Variants in RTEL1 observed in about 807,000 individuals in gnomAD.
RTEL1 encodes the protein regulator of telomere elongation helicase 1, also known as regulator of telomere length.
A neutral mutation model predicts 162.2 loss-of-function variants in RTEL1; 86 were observed. That is an observed-to-expected ratio of 0.53 (90% CI 0.45 to 0.63). The LOEUF is 0.63. RTEL1 is among the 30% of genes least tolerant of loss of function. The pLI, the probability that RTEL1 is intolerant of heterozygous loss-of-function variation, is 0.00. For missense variants in RTEL1, 1,941 were observed against 1,750.2 expected (o/e 1.11, Z -1.95); for synonymous variants, 958 against 717.9 (o/e 1.33, Z -5.35).
chr20:63,691,175 C>T (rs1046988759), intron 27 of RTEL1, among the ~76,000 whole-genome samples: 1 of 152,170 alleles, frequency 6.6e-6, no homozygotes, highest in Non-Finnish European at 1.5e-5. Context: ...CCTGGCCCTC[C>T]GCGGGTGCCC....
intron 2 of RTEL1, 84 bp downstream of exon 2, chr20:63,659,588 C>T: frequency 1.9e-6 from 2 of 1,029,108 alleles, no homozygotes; most frequent in Non-Finnish European, 3.0e-6. Context: ...CCGGCCCATT[C>T]CAGCCAGGCC....
At chr20:63,693,868 C>G (rs1269331075) in intron 30 of RTEL1, among the ~76,000 whole-genome samples, 1 of 149,734 alleles carries the variant, frequency 6.7e-6, no homozygotes, top group Non-Finnish European at 1.5e-5. Context: ...CCAACTGCCA[C>G]ACGTCCCCTG....
At chr20:63,662,516 T>A in intron 4 of RTEL1, 30 bp from the exon 5 acceptor site, 1 of 1,612,844 alleles carries the variant, frequency 6.2e-7, no homozygotes, top group Non-Finnish European at 8.5e-7. Flanking sequence ...AGACAGCTCC[T>A]CCTCGACCCA....
intron 2 of RTEL1, among the ~76,000 whole-genome samples, chr20:63,660,169 C>G (rs2089989942): frequency 6.6e-6 from 1 of 152,248 alleles, no homozygotes; most frequent in Non-Finnish European, 1.5e-5. Context: ...CCGAAACATT[C>G]AGTTCCCAGG....
At position 63,690,956 on chromosome 20, in the gene RTEL1, C is replaced by A. The variant is rs1265226297; in HGVS notation, c.2556+9C>A. Reference sequence around the variant, plus strand: ...GCCCTGGCGAGGAGCAGGTACAGTTCCAGGGCCTTGGGATGGACACAGACC... The same window carrying A: ...GCCCTGGCGAGGAGCAGGTACAGTTACAGGGCCTTGGGATGGACACAGACC... On this transcript the variant is annotated intron_variant, in intron 27 of 34. Transcript: ENST00000360203. 6.5e-7 allele frequency: 1 copy of A among 1,546,530 alleles called. No individual in the cohort carries two copies. Among genetic ancestry groups the A allele is most frequent in the Non-Finnish European group, 8.7e-7 (1 of 1,145,904 alleles).
chr20:63,689,033 G>A (rs1164965936), intron 21 of RTEL1, 22 bp from the exon 22 acceptor site: 5 of 1,605,844 alleles, frequency 3.1e-6, no homozygotes, highest in Admixed American at 1.7e-5. Flanking sequence ...TCCAGGCTCA[G>A]CCTCACCAAC....
intron 30 of RTEL1, among the ~76,000 whole-genome samples, chr20:63,693,630 TCCA>T (rs1568721280): frequency 0.02 from 63 of 3,114 alleles, no homozygotes; most frequent in Non-Finnish European, 0.026. Context: ...CACCACCACC[TCCA>T]CCACCACCAC....
Position 63,688,595 on chromosome 20 carries a change from G to A in RTEL1, c.1790G>A (p.Ser597Asn). ...PLFVEPRSKG[S>N]FSETISAYYA... The stretch of plus-strand genomic sequence containing the variant: ...TTTGTGGAGCCCAGGAGCAAAGGCA[G>A]CTTCTCCGAGGTCGGCACTTGGCCG... The change falls in exon 21 of 35, where the codon AGC (serine) becomes AAC (asparagine). Residue 597 changes from serine (S) to asparagine (N), a missense_variant. By Grantham distance (46) the Ser-to-Asn change is conservative (BLOSUM62 1). Coordinates refer to ENST00000360203, the MANE Select transcript of RTEL1 (RefSeq NM_001283009.2). The A allele has an allele frequency of 6.2e-6, 10 of 1,608,408 alleles. No homozygotes were observed. Among genetic ancestry groups the A allele is most frequent in the Non-Finnish European group, 8.5e-6 (10 of 1,178,800 alleles).
rs2090029785 is a variant in RTEL1, at chr20:63,661,996, G to C, written c.395+53G>C. The C allele has an allele frequency of 1.5e-6, 2 of 1,362,064 alleles. No individual in the cohort carries two copies. The highest frequency in any genetic ancestry group is 4.6e-5 in the East Asian group (2 of 43,546). 84.4% of individuals were successfully genotyped at this position (1,362,064 alleles called of 1,614,324 possible). A position where few individuals can be genotyped will look rare whatever the true frequency, so the allele number is the denominator to read the frequency against. ...CGGGGTCCTCAAGAGAACCAGCTTGGCATGGTGCTGAGTCCACAGCCCCAT... is the reference window on the plus strand; with the variant it reads ...CGGGGTCCTCAAGAGAACCAGCTTGCCATGGTGCTGAGTCCACAGCCCCAT... On this transcript the variant is annotated intron_variant, in intron 4 of 34. Coordinates refer to ENST00000360203, the MANE Select transcript of RTEL1 (RefSeq NM_001283009.2). The surrounding 1 kb of genome is among the most constrained non-coding windows in gnomAD (Gnocchi z 5.1).
Position 63,694,957 on chromosome 20 carries a change from A to G in RTEL1, c.3326A>G (p.Asp1109Gly). The change falls in exon 32 of 35, where the codon GAC becomes GGC. Residue 1109 changes from aspartate to glycine, a missense_variant. Transcript: ENST00000360203. The stretch of plus-strand genomic sequence containing the variant: ...GCCCTGACCACTGCAAAGCCAGAGG[A>G]CTTCCCCCTGCTGCACAGCAAGTGG... The part of the protein sequence containing the change: ...LAALTTAKPE[D>G]FPLLHRFSMF... 6.2e-7 allele frequency: 1 copy of G among 1,612,344 alleles called. No individual in the cohort carries two copies. The highest frequency in any genetic ancestry group is 8.5e-7 in the Non-Finnish European group (1 of 1,179,808).
At chr20:63,674,182 C>T (rs1285838579) in intron 10 of RTEL1, 89 bp downstream of exon 10, 1 of 1,510,942 alleles carries the variant, frequency 6.6e-7, no homozygotes, top group African/African-American at 1.4e-5. Flanking sequence ...TCCCCCAGCC[C>T]AGGTGCGTTC....
chr20:63,679,193 G>A (rs1016331016), intron 12 of RTEL1, among the ~76,000 whole-genome samples: 12 of 152,218 alleles, frequency 7.9e-5, no homozygotes, highest in Non-Finnish European at 1.2e-4. Flanking sequence ...CAGGGCTGGG[G>A]CCTGTGTGGG....
intron 28 of RTEL1, chr20:63,692,054 T>G: frequency 1.9e-6 from 1 of 523,242 alleles, no homozygotes; most frequent in South Asian, 2.1e-5. Context: ...GGCCCCACCC[T>G]TGGGCAGGTT....
chr20:63,682,571 A>G, intron 14 of RTEL1: 1 of 985,964 alleles, frequency 1.0e-6, no homozygotes, highest in Non-Finnish European at 1.2e-6. Flanking sequence ...CCGCTGGTGG[A>G]TGACTCAGCT....
chr20:63,664,517 C>T (rs1419277650), intron 6 of RTEL1, among the ~76,000 whole-genome samples: 1 of 152,142 alleles, frequency 6.6e-6, no homozygotes, highest in Non-Finnish European at 1.5e-5. Flanking sequence ...TGTGTTAGGC[C>T]TCTGGGTATT....
At chr20:63,667,881 G>A (rs943969062) in intron 8 of RTEL1, among the ~76,000 whole-genome samples, 3 of 151,948 alleles carry the variant, frequency 2.0e-5, no homozygotes, top group Non-Finnish European at 4.4e-5. Context: ...GGGAGGCACC[G>A]AGAACACAGG....
rs185728137 is a variant in RTEL1, at chr20:63,695,750, C to T, written c.3823-28C>T. The T allele has an allele frequency of 1.3e-4, 199 of 1,591,020 alleles. No homozygotes were observed. The African/African-American group carries it at 1.5e-3, about 12-fold the overall frequency. On this transcript the variant is annotated intron_variant, in intron 34 of 34. Transcript: ENST00000360203. ...TGTCCTGGTGGCAACGCCTGGCAGA[C>T]GTGTGCAGTGGGCCGGTTGTCTCAC...
rs1179686618 is a variant in RTEL1 at position 63,693,137 on chromosome 20, C to T, written c.2852-6C>T. 5 of 1,612,244 alleles carry T rather than the reference C, an allele frequency of 3.1e-6. No homozygotes were observed. Among genetic ancestry groups the T allele is most frequent in the South Asian group, 2.2e-5 (2 of 91,090 alleles). On this transcript the variant is annotated splice_polypyrimidine_tract_variant and splice_region_variant and intron_variant, in intron 29 of 34. Coordinates refer to ENST00000360203, the MANE Select transcript of RTEL1 (RefSeq NM_001283009.2). ...CAGATGGGGACAGACGCCCCTTCCT[C>T]TACAGGCTTCTACCAGTTTGTGCGG...
At position 63,692,965 on chromosome 20, in the gene RTEL1, T is replaced by A; in HGVS notation, c.2813T>A (p.Leu938His). ...FAALAACLGP[L>H]FAEDPKKHNL... ...GCCCTGGCCGCCTGTCTCGGCCCCC[T>A]CTTTGCTGAGGACCCCAAGAAGCAC... Residue 938 changes from leucine (L) to histidine (H), a missense_variant, in exon 29 of 35, where the codon CTC (leucine) becomes CAC (histidine). Transcript: ENST00000360203. The A allele has an allele frequency of 6.2e-7, 1 of 1,612,614 alleles. No individual in the cohort carries two copies. Among genetic ancestry groups the A allele is most frequent in the Non-Finnish European group, 8.5e-7 (1 of 1,179,842 alleles).
Sources: allele counts gnomAD v4.1 joint callset (sites outside exome capture counted in the v4.1 genomes callset), GRCh38; gene constraint gnomAD v4.1.1; non-coding constraint Gnocchi (gnomAD v3.1); transcripts MANE v1.5; gene names NCBI Gene and HGNC (gene_info 2026-07-23, HGNC 2026-07-21).